The following RP1 variants were observed in gnomAD, a reference collection of about 807,000 sequenced individuals.
RP1 encodes RP1 axonemal microtubule associated.
In RP1, 16 loss-of-function variants were observed where a neutral mutation model predicts 14.8. The ratio of observed to expected loss-of-function variants is 1.08; its 90% confidence interval spans 0.73 to 1.65. The LOEUF (loss-of-function observed/expected upper bound fraction) is 1.65, where lower values mean the gene tolerates loss of function less well. Ranked by LOEUF, RP1 falls within the 40% of genes most tolerant of loss-of-function variation. The probability of loss-of-function intolerance (pLI) is 0.00; values close to 1 mark genes in which losing one functional copy is unlikely to be tolerated. For synonymous variants in RP1, 876 were observed against 883.6 expected, an observed-to-expected ratio of 0.99 and a Z score of 0.15; for missense variants, 2,631 against 2,535.0, an observed-to-expected ratio of 1.04 and a Z score of -0.81.
At chr8:54,805,153 T>A (rs1810817506) in intron 24 of RP1, among the ~76,000 whole-genome samples, 1 of 152,236 alleles carries the variant, frequency 6.6e-6, no homozygotes, top group Admixed American at 6.5e-5. Context: ...GAGATTGCTT[T>A]AGATCATCCT....
intron 24 of RP1, among the ~76,000 whole-genome samples, chr8:54,795,942 T>C (rs1021817621): frequency 6.6e-6 from 1 of 152,246 alleles, no homozygotes; most frequent in Non-Finnish European, 1.5e-5. Context: ...CTCATTCCTT[T>C]ACCTCTTTCT....
intron 24 of RP1, among the ~76,000 whole-genome samples, chr8:54,797,937 G>A (rs934108983): frequency 1.4e-5 from 2 of 143,582 alleles, no homozygotes; most frequent in Non-Finnish European, 3.0e-5. Context: ...TTGCAGTGTG[G>A]TGATTTTAGA....
chr8:54,833,458 C>T (rs1052603976), intron 24 of RP1, among the ~76,000 whole-genome samples: 100 of 151,832 alleles, frequency 6.6e-4, no homozygotes, highest in African/African-American at 2.3e-3. Context: ...ATAAGTTACC[C>T]TTCTAGAATA....
At chr8:54,768,228 A>G (rs1160233779) in intron 22 of RP1, among the ~76,000 whole-genome samples, 1 of 152,134 alleles carries the variant, frequency 6.6e-6, no homozygotes, top group African/African-American at 2.4e-5. Flanking sequence ...TCCAACCTTC[A>G]GCTCAAGTAT....
downstream of RP1, among the ~76,000 whole-genome samples, chr8:54,774,532 C>T (rs989803573): frequency 6.6e-6 from 1 of 152,156 alleles, no homozygotes; most frequent in South Asian, 2.1e-4. Flanking sequence ...GTGCCTAAAA[C>T]CTTTGGCACA....
chr8:54,575,980 G>T (rs78361682), intron 1 of RP1, among the ~76,000 whole-genome samples: 1 of 151,862 alleles, frequency 6.6e-6, no homozygotes, highest in African/African-American at 2.4e-5. Context: ...GCATTAAAAG[G>T]TTCCCACCTG....
chr8:54,709,042 T>C (rs1196763548), intron 15 of RP1, among the ~76,000 whole-genome samples: 1 of 152,158 alleles, frequency 6.6e-6, no homozygotes, highest in Non-Finnish European at 1.5e-5. Flanking sequence ...GTTAAGTATC[T>C]CACCCAGAGT....
At chr8:54,765,951 T>G (rs1809750891) in intron 22 of RP1, among the ~76,000 whole-genome samples, 2 of 152,150 alleles carry the variant, frequency 1.3e-5, no homozygotes, top group South Asian at 4.1e-4. Context: ...CCAGTATGGC[T>G]TCTTGTACCA....
At chr8:54,595,961 G>A (rs189565851) in intron 1 of RP1, among the ~76,000 whole-genome samples, 243 of 152,146 alleles carry the variant, frequency 1.6e-3, no homozygotes, top group Middle Eastern at 3.4e-3. Flanking sequence ...ATAAATTATT[G>A]AAATCTGATG....
intron 1 of RP1, among the ~76,000 whole-genome samples, chr8:54,602,524 T>C (rs1008008349): frequency 2.0e-5 from 3 of 152,144 alleles, no homozygotes; most frequent in African/African-American, 7.2e-5. Flanking sequence ...TATAGCAGCA[T>C]GTTTTATAAT....
At chr8:54,634,810 A>G (rs1806316567), downstream of RP1, among the ~76,000 whole-genome samples, 1 of 152,172 alleles carries the variant, frequency 6.6e-6, no homozygotes. Context: ...GGCTGGGCGC[A>G]GTGGCTCACA....
chr8:54,726,386 CAAG>C, exon 17 of RP1: 4 of 1,532,866 alleles, frequency 2.6e-6, no homozygotes, highest in South Asian at 1.2e-5. Flanking sequence ...AACACCCAGC[CAAG>C]AAGAAGAAAA....
intron 17 of RP1, among the ~76,000 whole-genome samples, chr8:54,732,689 A>T (rs1808823008): frequency 6.6e-6 from 1 of 152,182 alleles, no homozygotes; most frequent in Non-Finnish European, 1.5e-5. Flanking sequence ...GAGATCTGGT[A>T]ATGCAATTGC....
chr8:54,708,735 G>A (rs1449594599), intron 15 of RP1, among the ~76,000 whole-genome samples: 2 of 149,234 alleles, frequency 1.3e-5, no homozygotes, highest in African/African-American at 4.9e-5. Flanking sequence ...TTTTTTCTCA[G>A]TGTGCTGGTT....
At chr8:54,807,824 C>T (rs900537400) in intron 24 of RP1, among the ~76,000 whole-genome samples, 1 of 152,088 alleles carries the variant, frequency 6.6e-6, no homozygotes, top group African/African-American at 2.4e-5. Context: ...CAGTCCATGT[C>T]CAAGTCCAAA....
intron 24 of RP1, among the ~76,000 whole-genome samples, chr8:54,812,705 A>T (rs148351826): frequency 2.0e-4 from 30 of 152,292 alleles, no homozygotes; most frequent in African/African-American, 6.7e-4. Context: ...TCTCATTCAC[A>T]TGATTCCAGA....
intron 5 of RP1, among the ~76,000 whole-genome samples, chr8:54,654,859 T>A (rs1806723696): frequency 6.6e-6 from 1 of 152,140 alleles, no homozygotes; most frequent in African/African-American, 2.4e-5. Context: ...GTTGCCCTGG[T>A]TGGTCTCAAA....
chr8:54,835,965 C>A (rs989983279), intron 24 of RP1, among the ~76,000 whole-genome samples: 1 of 152,122 alleles, frequency 6.6e-6, no homozygotes, highest in Non-Finnish European at 1.5e-5. Context: ...CCTATAATCA[C>A]ATTGTTCTAG....
intron 24 of RP1, among the ~76,000 whole-genome samples, chr8:54,813,658 A>G (rs1390556884): frequency 6.6e-6 from 1 of 152,246 alleles, no homozygotes; most frequent in Admixed American, 6.5e-5. Context: ...CAGCCCTCAT[A>G]TGTACAGTCA....
Sources: allele counts gnomAD v4.1 joint callset (sites outside exome capture counted in the v4.1 genomes callset), GRCh38; gene constraint gnomAD v4.1.1; transcripts MANE v1.5; gene names NCBI Gene and HGNC (gene_info 2026-07-23, HGNC 2026-07-21).